Variants in MBD5 observed in about 807,000 individuals in gnomAD.
MBD5 encodes the protein methyl-CpG binding domain protein 5.
MBD5 carries 13 observed loss-of-function variants against 117.3 expected under a neutral mutation model. The observed-to-expected ratio is 0.11, with a 90% confidence interval of 0.07 to 0.18. MBD5 has a LOEUF of 0.18. MBD5 is among the 10% of genes least tolerant of loss of function. The pLI is 1.00. For synonymous variants in MBD5, 727 were observed against 766.4 expected (o/e 0.95, Z 0.85); for missense variants, 1,879 against 2,093.8 (o/e 0.90, Z 2.00).
intron 1 of MBD5, among the ~76,000 whole-genome samples, chr2:148,117,967 G>T (rs1317700937): frequency 6.6e-6 from 1 of 152,098 alleles, no homozygotes; most frequent in South Asian, 2.1e-4. Flanking sequence ...CCAGCACATG[G>T]GGTAAAAGTT....
chr2:148,239,501 G>T lies in MBD5; in HGVS notation c.-680+6106G>T, dbSNP rs185155169. Among the ~76,000 whole-genome samples the T allele has an allele frequency of 2.0e-5, 3 of 152,074 alleles. No homozygotes were observed. In the East Asian group the frequency reaches 5.8e-4, roughly 29 times the overall value. The stretch of plus-strand genomic sequence containing the variant: ...AGTTATATTTTGTAAATGAACTTAG[G>T]TAAGATTTCCTTTTCCATATTTGTT... On this transcript the variant is annotated intron_variant, in intron 3 of 13. Transcript: ENST00000642680.
chr2:148,275,378 C>A (rs1476189554), intron 3 of MBD5, among the ~76,000 whole-genome samples: 1 of 151,990 alleles, frequency 6.6e-6, no homozygotes, highest in African/African-American at 2.4e-5. Context: ...TCCAGAGAAA[C>A]AAAATTAGTG....
intron 8 of MBD5, among the ~76,000 whole-genome samples, chr2:148,476,977 T>G (rs1316148266): frequency 5.9e-5 from 9 of 151,904 alleles, no homozygotes; most frequent in African/African-American, 2.2e-4. Flanking sequence ...TCACAAATAT[T>G]AAGAAAAATG....
chr2:148,024,473 C>T (rs1301645202), intron 1 of MBD5, among the ~76,000 whole-genome samples: 2 of 152,188 alleles, frequency 1.3e-5, no homozygotes, highest in Admixed American at 1.3e-4. Flanking sequence ...CATCCTTCTA[C>T]TCTTGGCACA....
At chr2:148,370,656 T>C (rs979120038) in intron 4 of MBD5, among the ~76,000 whole-genome samples, 2 of 151,934 alleles carry the variant, frequency 1.3e-5, no homozygotes, top group Non-Finnish European at 2.9e-5. Context: ...ACTTGGCTAA[T>C]GTATGTATTT....
Position 148,281,863 on chromosome 2 carries a change from A to G in MBD5, c.-680+48468A>G, listed in dbSNP as rs1701254950. On this transcript the variant is annotated intron_variant, in intron 3 of 13. Coordinates refer to ENST00000642680, the MANE Select transcript of MBD5 (RefSeq NM_001378120.1). Reference sequence around the variant, plus strand: ...GTTTGGGGAATCACATCTTAGTGCCATTTTTATGCACTGAGACTTGCTCAA... The same window carrying G: ...GTTTGGGGAATCACATCTTAGTGCCGTTTTTATGCACTGAGACTTGCTCAA... Among the ~76,000 whole-genome samples the G allele has an allele frequency of 2.6e-5, 4 of 152,220 alleles. No individual in the cohort carries two copies. In the South Asian group the frequency reaches 8.3e-4, roughly 32 times the overall value.
chr2:148,286,723 A>G (rs1029797348), intron 3 of MBD5, among the ~76,000 whole-genome samples: 1 of 152,188 alleles, frequency 6.6e-6, no homozygotes, highest in African/African-American at 2.4e-5. Context: ...CTTTATTATT[A>G]TTGTTGTTAT....
chr2:148,170,122 C>A (rs561031719), intron 1 of MBD5, among the ~76,000 whole-genome samples: 2 of 152,174 alleles, frequency 1.3e-5, no homozygotes, highest in African/African-American at 4.8e-5. Context: ...TGGTCTCGAT[C>A]TCCTGACCTC....
At chr2:148,505,041 G>A (rs531686873) in intron 12 of MBD5, among the ~76,000 whole-genome samples, 2 of 152,178 alleles carry the variant, frequency 1.3e-5, no homozygotes, top group African/African-American at 4.8e-5. Context: ...AAGGGAGAAC[G>A]AGGACCCAAA....
At chr2:148,105,518 A>G (rs1474141875) in intron 1 of MBD5, among the ~76,000 whole-genome samples, 1 of 151,990 alleles carries the variant, frequency 6.6e-6, no homozygotes, top group Non-Finnish European at 1.5e-5. Flanking sequence ...CACGCCCGGC[A>G]AGTTATATAG....
At chr2:148,108,845 TC>T (rs1696438485) in intron 1 of MBD5, among the ~76,000 whole-genome samples, 1 of 152,138 alleles carries the variant, frequency 6.6e-6, no homozygotes, top group East Asian at 1.9e-4. Flanking sequence ...AACATGTGCT[TC>T]AAAAAATAGC....
intron 3 of MBD5, among the ~76,000 whole-genome samples, chr2:148,263,830 A>T (rs115214837): frequency 2.6e-5 from 4 of 152,240 alleles, no homozygotes; most frequent in African/African-American, 9.6e-5. Flanking sequence ...TGCTTTTTAC[A>T]TATAGGCTCC....
Position 148,490,191 on chromosome 2 carries a change from G to A in MBD5, c.4559G>A (p.Cys1520Tyr), listed in dbSNP as rs144395737. 2.5e-6 allele frequency: 4 copies of A among 1,614,010 alleles called. No individual in the cohort carries two copies. The African/African-American group carries it at 5.3e-5, about 22-fold the overall frequency. Residue 1520 changes from cysteine (C) to tyrosine (Y), a missense_variant, in exon 11 of 14, where the codon TGT becomes TAT. Coordinates refer to ENST00000642680, the MANE Select transcript of MBD5 (RefSeq NM_001378120.1). ...AGACTAGAGAACACTGTGGAAAGAT[G>A]TGCACACATAAATGGGAATAGACCT... ...KERLENTVER[C>Y]AHINGNRPRQ...
At chr2:148,215,347 A>G (rs572223028) in intron 2 of MBD5, among the ~76,000 whole-genome samples, 26 of 152,354 alleles carry the variant, frequency 1.7e-4, no homozygotes, top group African/African-American at 6.0e-4. Context: ...GCCTTGAATT[A>G]TCAAAAGGAG....
chr2:148,290,809 T>C (rs1274843474), intron 3 of MBD5, among the ~76,000 whole-genome samples: 1 of 152,240 alleles, frequency 6.6e-6, no homozygotes, highest in Non-Finnish European at 1.5e-5. Context: ...TGAATAATAA[T>C]ACTATAAATA....
chr2:148,336,138 G>A (rs2105094933), intron 3 of MBD5, among the ~76,000 whole-genome samples: 1 of 152,246 alleles, frequency 6.6e-6, no homozygotes, highest in Non-Finnish European at 1.5e-5. Flanking sequence ...CTATGTCATT[G>A]AATCCTTCTA....
At chr2:148,218,662 G>A (rs746185995) in intron 2 of MBD5, among the ~76,000 whole-genome samples, 17 of 152,210 alleles carry the variant, frequency 1.1e-4, no homozygotes, top group Non-Finnish European at 2.5e-4. Flanking sequence ...ATAGGGTATA[G>A]CCTATTGCTC....
chr2:148,514,897 C>T lies in MBD5; in HGVS notation c.*1956C>T, dbSNP rs887667681. ...GAATGCAACTGGCTACCCTGGGCTT[C>T]ATGACCTCAAAGTAGGAACCCTTCG... On this transcript the variant is annotated 3_prime_UTR_variant, in exon 14 of 14. Transcript: ENST00000642680. 2.0e-5 allele frequency: 3 copies of T among 152,218 alleles called. No homozygotes were observed. Among genetic ancestry groups the T allele is most frequent in the Non-Finnish European group, 4.4e-5 (3 of 68,056 alleles). 9.4% of individuals were successfully genotyped at this position (152,218 alleles called of 1,614,324 possible).
At chr2:148,506,617 C>T (rs1682041207) in intron 12 of MBD5, among the ~76,000 whole-genome samples, 1 of 152,158 alleles carries the variant, frequency 6.6e-6, no homozygotes, top group South Asian at 2.1e-4. Context: ...ATTTCTTGTA[C>T]TACTCATAGA....
Sources: gnomAD v4.1 joint callset for allele counts (sites outside exome capture counted in the v4.1 genomes callset) on GRCh38, gnomAD v4.1.1 for gene constraint, MANE v1.5 for transcripts, NCBI Gene and HGNC (gene_info 2026-07-23, HGNC 2026-07-21) for gene names.